Variants in ZBTB7C observed in about 807,000 individuals in gnomAD.
ZBTB7C encodes the protein zinc finger and BTB domain containing 7C, also known as zinc finger and BTB domain-containing protein 7C.
In ZBTB7C, 8 loss-of-function variants were observed where a neutral mutation model predicts 25.7. The ratio of observed to expected loss-of-function variants is 0.31; its 90% CI spans 0.18 to 0.56. The LOEUF is 0.56. ZBTB7C is among the 20% of genes least tolerant of loss of function. ZBTB7C has a pLI of 0.91. For missense variants in ZBTB7C, 824 were observed against 855.2 expected, an observed-to-expected ratio of 0.96 and a Z score of 0.46; for synonymous variants, 394 against 369.0, an observed-to-expected ratio of 1.07 and a Z score of -0.78.
At chr18:48,195,580 G>A (rs113726712) in intron 2 of ZBTB7C, among the ~76,000 whole-genome samples, 14 of 152,208 alleles carry the variant, frequency 9.2e-5, no homozygotes, top group Middle Eastern at 3.4e-3. Context: ...ATCAAGTCTC[G>A]GATATGTCTT....
rs1342703848 is a variant in ZBTB7C, at chr18:48,028,045, G to A, written c.*1215C>T. 3 of 152,228 alleles carry A rather than the reference G, an allele frequency of 2.0e-5. No homozygotes were observed. Among genetic ancestry groups the A allele is most frequent in the Non-Finnish European group, 4.4e-5 (3 of 68,070 alleles). 9.4% of individuals were successfully genotyped at this position (152,228 alleles called of 1,614,324 possible). ...CCAGAGGGAGGAGGAAGGGGTTGAG[G>A]GGGTTCTCACACAGCAAAGGGGACC... On this transcript the variant is annotated 3_prime_UTR_variant, in exon 5 of 5. Transcript: ENST00000590800.
At chr18:48,092,472 T>C (rs554807390) in intron 3 of ZBTB7C, among the ~76,000 whole-genome samples, 3 of 152,356 alleles carry the variant, frequency 2.0e-5, no homozygotes, top group East Asian at 1.9e-4. Flanking sequence ...GCAGACTAAA[T>C]TGATATACTC....
intron 3 of ZBTB7C, among the ~76,000 whole-genome samples, chr18:48,153,687 G>T (rs1362496191): frequency 6.6e-6 from 1 of 152,224 alleles, no homozygotes; most frequent in African/African-American, 2.4e-5. Context: ...CTGGCCATAG[G>T]ACTGTGAATT....
chr18:48,088,794 C>T (rs969912017), intron 3 of ZBTB7C, among the ~76,000 whole-genome samples: 3 of 152,030 alleles, frequency 2.0e-5, no homozygotes, highest in Non-Finnish European at 4.4e-5. Context: ...TGCGCTACTG[C>T]ACTTCAGCCT....
chr18:48,239,238 T>G (rs143797165), intron 2 of ZBTB7C, among the ~76,000 whole-genome samples: 1 of 152,148 alleles, frequency 6.6e-6, no homozygotes, highest in South Asian at 2.1e-4. Flanking sequence ...CTACCCTCCC[T>G]GGTAACTGAA....
chr18:48,338,087 G>A (rs2046497602), intron 2 of ZBTB7C, 87 bp downstream of exon 2: 1 of 152,116 alleles, frequency 6.6e-6, no homozygotes, highest in African/African-American at 2.4e-5. Context: ...CTTCCCACAG[G>A]TTGACATTTT....
intron 3 of ZBTB7C, among the ~76,000 whole-genome samples, chr18:48,094,117 C>T (rs2038528234): frequency 6.6e-6 from 1 of 152,202 alleles, no homozygotes; most frequent in Admixed American, 6.5e-5. Context: ...CAAAGGGTGG[C>T]TAATTTAAAT....
intron 3 of ZBTB7C, among the ~76,000 whole-genome samples, chr18:48,119,981 C>T (rs568901573): frequency 9.2e-5 from 14 of 152,030 alleles, no homozygotes; most frequent in Non-Finnish European, 1.5e-4. Context: ...CTTAGGCTGG[C>T]GTTTCTCGAA....
chr18:48,183,798 A>G (rs568694179), intron 3 of ZBTB7C, among the ~76,000 whole-genome samples: 135 of 152,230 alleles, frequency 8.9e-4, no homozygotes, highest in Non-Finnish European at 2.9e-4. Context: ...GCTGCTGACA[A>G]ATAAGGGGAC....
At chr18:48,142,396 T>C (rs950269646) in intron 3 of ZBTB7C, among the ~76,000 whole-genome samples, 4 of 151,244 alleles carry the variant, frequency 2.6e-5, no homozygotes, top group African/African-American at 9.7e-5. Context: ...GAGGGGGAGG[T>C]GTGGGCCAAG....
chr18:48,131,578 C>T (rs944600841), intron 3 of ZBTB7C, among the ~76,000 whole-genome samples: 1 of 152,040 alleles, frequency 6.6e-6, no homozygotes, highest in East Asian at 1.9e-4. Context: ...CCTATTCAGT[C>T]CCATAGGCAT....
chr18:48,218,573 G>A (rs2042879051), intron 2 of ZBTB7C, among the ~76,000 whole-genome samples: 2 of 152,200 alleles, frequency 1.3e-5, no homozygotes, highest in African/African-American at 2.4e-5. Context: ...TTGAAAGCAG[G>A]GGCCTGGTTT....
intron 3 of ZBTB7C, among the ~76,000 whole-genome samples, chr18:48,141,168 CT>C (rs2040338789): frequency 7.4e-6 from 1 of 135,600 alleles, no homozygotes; most frequent in African/African-American, 2.7e-5. Context: ...GTTCCTTCTC[CT>C]TCCTGCTGTG....
chr18:48,189,335 T>C (rs926359417), intron 2 of ZBTB7C, among the ~76,000 whole-genome samples: 1 of 152,182 alleles, frequency 6.6e-6, no homozygotes, highest in Non-Finnish European at 1.5e-5. Context: ...AGTGAATAAA[T>C]AGCATGGGTA....
intron 2 of ZBTB7C, among the ~76,000 whole-genome samples, chr18:48,285,787 T>C (rs933427964): frequency 6.6e-6 from 1 of 152,246 alleles, no homozygotes; most frequent in African/African-American, 2.4e-5. Flanking sequence ...GTTTTGGTTA[T>C]GACATCAGCT....
intron 2 of ZBTB7C, among the ~76,000 whole-genome samples, chr18:48,278,281 G>C (rs2044728039): frequency 6.6e-6 from 1 of 152,124 alleles, no homozygotes; most frequent in Non-Finnish European, 1.5e-5. Flanking sequence ...ATGCAGAGAG[G>C]ACTAGGCCAT....
In ZBTB7C at chr18:48,299,065, C is replaced by T. The variant is rs371345480; in HGVS notation, c.-79+39109G>A. ...ACCTCAAAGAGGCACCCACAGAGGT[C>T]CCAACCCTGATGGGGTGGAAGCTAG... On this transcript the variant is annotated intron_variant, in intron 2 of 4. Transcript: ENST00000590800. Among the ~76,000 whole-genome samples the T allele has an allele frequency of 1.7e-3, 262 of 152,216 alleles. 2 individuals are homozygous for T. The highest frequency in any genetic ancestry group is 5.8e-3 in the African/African-American group (239 of 41,522).
intron 2 of ZBTB7C, among the ~76,000 whole-genome samples, chr18:48,247,812 T>C (rs2043738454): frequency 1.3e-5 from 2 of 152,172 alleles, no homozygotes; most frequent in Admixed American, 6.5e-5. Context: ...GTTTTACAAG[T>C]GTTTGATAGT....
chr18:48,221,783 T>C (rs1288378017), intron 2 of ZBTB7C, among the ~76,000 whole-genome samples: 1 of 151,134 alleles, frequency 6.6e-6, no homozygotes, highest in Non-Finnish European at 1.5e-5. Flanking sequence ...CCCAGTTTCC[T>C]CTATGCTGTC....
Sources: gnomAD v4.1 joint callset for allele counts (sites outside exome capture counted in the v4.1 genomes callset) on GRCh38, gnomAD v4.1.1 for gene constraint, MANE v1.5 for transcripts, NCBI Gene and HGNC (gene_info 2026-07-23, HGNC 2026-07-21) for gene names.